The following TRIOBP variants were observed in gnomAD, a reference collection of about 807,000 sequenced individuals.
TRIOBP encodes TRIO and F-actin-binding protein.
Under a neutral mutation model 238.8 loss-of-function variants are expected in TRIOBP, and 169 were observed. That is an observed-to-expected ratio of 0.71 (90% confidence interval 0.62 to 0.80). The LOEUF is 0.80. Among genes scored for constraint, TRIOBP ranks in the 30% least tolerant of loss-of-function variants. TRIOBP has a pLI of 0.00. For missense variants in TRIOBP, 2,838 were observed against 3,122.6 expected, an observed-to-expected ratio of 0.91 and a Z score of 2.17; for synonymous variants, 1,150 against 1,274.4, an observed-to-expected ratio of 0.90 and a Z score of 2.08.
chr22:37,769,301 C>T lies in TRIOBP; in HGVS notation c.6775C>T (p.Arg2259Cys), dbSNP rs536411182. ...GRLSEEIDQL[R>C]GFIASQGMGN... ...CCTGTCAGAGGAGATAGACCAGCTG[C>T]GCGGCTTCATTGCCTCGCAGGGCAT... The change falls in exon 21 of 24, where the codon CGC becomes TGC. Residue 2259 changes from arginine to cysteine, a missense_variant. Coordinates refer to ENST00000644935, the MANE Select transcript of TRIOBP (RefSeq NM_001039141.3). 5.5e-5 allele frequency: 89 copies of T among 1,612,054 alleles called. No homozygotes were observed. Among genetic ancestry groups the T allele is most frequent in the Admixed American group, 5.0e-4 (30 of 59,936 alleles).
Position 37,767,715 on chromosome 22 carries a change from G to T in TRIOBP, c.6473-359G>T, listed in dbSNP as rs76574030. ...GAGAGCCCTCAGAGTCTGCAGGGGG[G>T]GTGTACTAGGTGGGGTCCTACCTGG... On this transcript the variant is annotated intron_variant, in intron 18 of 23. Transcript: ENST00000644935. 1.5e-3 allele frequency among the ~76,000 whole-genome samples: 232 copies of T among 152,224 alleles called. 2 individuals carry two copies. The East Asian group carries it at 0.028, about 19-fold the overall frequency.
At position 37,724,667 on chromosome 22, in the gene TRIOBP, A is replaced by C; in HGVS notation, c.2111A>C (p.Asp704Ala). 6.2e-7 allele frequency: 1 copy of C among 1,610,582 alleles called. No homozygotes were observed. The highest frequency in any genetic ancestry group is 8.5e-7 in the Non-Finnish European group (1 of 1,178,626). Residue 704 changes from aspartate (D) to alanine (A), a missense_variant, in exon 7 of 24, where the codon GAC becomes GCC. By Grantham distance (126) the Asp-to-Ala change is moderately radical (BLOSUM62 -2). This residue lies in a region of TRIOBP where 167 missense variants were observed against 200.2 expected (regional missense o/e 0.83). Transcript: ENST00000644935. The stretch of plus-strand genomic sequence containing the variant: ...CCCAGAACATCCTGTGCCCAACGGG[A>C]CGATCCCAGAGCCTCCTCTCCTAAC... ...ENPRTSCAQR[D>A]DPRASSPNRT... is the part of the protein sequence containing the mutation.
intron 6 of TRIOBP, 31 bp from the exon 7 acceptor site, chr22:37,723,154 C>A: frequency 4.3e-6 from 7 of 1,612,380 alleles, no homozygotes; most frequent in Non-Finnish European, 5.9e-6. Context: ...GACCTCTCCC[C>A]TTACCTTGAG....
chr22:37,759,369 C>A (rs1358762215), intron 17 of TRIOBP, 105 bp downstream of exon 17: 3 of 1,314,482 alleles, frequency 2.3e-6, no homozygotes, highest in Non-Finnish European at 3.3e-6. Flanking sequence ...TGTGCTGGAA[C>A]CTGTGTGGGG....
chr22:37,762,694 G>A (rs1266998513), intron 17 of TRIOBP, among the ~76,000 whole-genome samples: 1 of 152,206 alleles, frequency 6.6e-6, no homozygotes, highest in African/African-American at 2.4e-5. Flanking sequence ...AGTGACCCCA[G>A]ATGCGGAAGG....
intron 2 of TRIOBP, among the ~76,000 whole-genome samples, chr22:37,698,411 G>A (rs976355487): frequency 7.3e-6 from 1 of 137,534 alleles, no homozygotes; most frequent in Admixed American, 7.8e-5. Context: ...GGAGTGCAGC[G>A]GGGCGATCTT....
In TRIOBP at chr22:37,751,795, G is replaced by A. The variant is rs113223662; in HGVS notation, c.5346G>A (p.Lys1782=). 7 of 1,614,158 alleles carry A rather than the reference G, an allele frequency of 4.3e-6. No individual in the cohort carries two copies. The African/African-American group carries it at 5.3e-5, about 12-fold the overall frequency. The part of the protein sequence containing the change: ...WRRPDLLNFK[K]GWMSILDEPG... ...AGCCCGATCTGCTCAACTTCAAGAA[G>A]GGATGGATGTCGATCTTGGACGAGC... The change falls in exon 12 of 24, where the codon AAG becomes AAA. Residue 1782 remains lysine (K), a synonymous_variant. Coordinates refer to ENST00000644935, the MANE Select transcript of TRIOBP (RefSeq NM_001039141.3).
chr22:37,734,148 C>G (rs957090380), intron 8 of TRIOBP, among the ~76,000 whole-genome samples: 38 of 152,210 alleles, frequency 2.5e-4, no homozygotes, highest in Non-Finnish European at 4.9e-4. Flanking sequence ...GAATCAGTAT[C>G]TTTGAGAGGG....
chr22:37,746,884 C>T (rs1173772600), intron 11 of TRIOBP, among the ~76,000 whole-genome samples: 1 of 152,122 alleles, frequency 6.6e-6, no homozygotes, highest in African/African-American at 2.4e-5. Context: ...GGCAAGCCAG[C>T]CCTCCGTGTG....
At chr22:37,742,289 A>C (rs1427638936) in intron 11 of TRIOBP, among the ~76,000 whole-genome samples, 1 of 119,202 alleles carries the variant, frequency 8.4e-6, no homozygotes, top group East Asian at 2.8e-4. Flanking sequence ...ATTAAGATAG[A>C]GTCTCGTTCT....
chr22:37,759,332 G>T, intron 17 of TRIOBP, 68 bp downstream of exon 17: 4 of 1,525,136 alleles, frequency 2.6e-6, no homozygotes, highest in Non-Finnish European at 3.6e-6. Flanking sequence ...TCAGGAAACA[G>T]CTGAGATTTT....
At chr22:37,755,702 C>T (rs138152523) in intron 15 of TRIOBP, 43 bp downstream of exon 15, 4 of 1,568,934 alleles carry the variant, frequency 2.5e-6, no homozygotes, top group South Asian at 1.1e-5. Context: ...AGGCACTTAC[C>T]CTTGCGTCCC....
intron 17 of TRIOBP, among the ~76,000 whole-genome samples, chr22:37,764,269 C>G (rs1926379804): frequency 6.6e-6 from 1 of 152,206 alleles, no homozygotes; most frequent in Non-Finnish European, 1.5e-5. Flanking sequence ...CTGCCCCCTA[C>G]AATATCCTCC....
chr22:37,770,462 A>AAT (rs1555901672), intron 21 of TRIOBP, among the ~76,000 whole-genome samples: 1 of 149,822 alleles, frequency 6.7e-6, no homozygotes, highest in Non-Finnish European at 1.5e-5. Flanking sequence ...AAAAAAAAAA[A>AAT]ATATTAAAAA....
intron 12 of TRIOBP, among the ~76,000 whole-genome samples, chr22:37,752,580 G>C (rs1326611561): frequency 6.6e-6 from 1 of 152,206 alleles, no homozygotes; most frequent in African/African-American, 2.4e-5. Flanking sequence ...TGCCGGAGAG[G>C]GCTTTGAGCC....
At chr22:37,743,840 T>TGTGTGTGTGTGTGTGC (rs1486370619) in intron 11 of TRIOBP, among the ~76,000 whole-genome samples, 1 of 121,432 alleles carries the variant, frequency 8.2e-6, no homozygotes, top group African/African-American at 3.6e-5. Flanking sequence ...TGTGTGTGTG[T>TGTGTGTGTGTGTGTGC]GTGTGCTGGG....
intron 11 of TRIOBP, among the ~76,000 whole-genome samples, chr22:37,742,659 G>A (rs1346150789): frequency 6.6e-6 from 1 of 152,176 alleles, no homozygotes; most frequent in Non-Finnish European, 1.5e-5. Context: ...GCCATGGGCA[G>A]GAATTACCTT....
intron 2 of TRIOBP, among the ~76,000 whole-genome samples, chr22:37,700,171 T>C (rs5756782): frequency 0.77 from 117,091 of 152,126 alleles, 45,166 homozygotes; most frequent in East Asian, 0.84. Context: ...GCCACCGCCC[T>C]CGGCTGGAAT....
chr22:37,733,946 C>A (rs527529843), intron 8 of TRIOBP, among the ~76,000 whole-genome samples: 2 of 152,222 alleles, frequency 1.3e-5, no homozygotes, highest in African/African-American at 2.4e-5. Context: ...GGATTACAGG[C>A]GTGAACCACG....
Sources: allele counts gnomAD v4.1 joint callset (sites outside exome capture counted in the v4.1 genomes callset), GRCh38; gene constraint gnomAD v4.1.1; regional missense constraint gnomAD v4.1.1; transcripts MANE v1.5; gene names NCBI Gene and HGNC (gene_info 2026-07-23, HGNC 2026-07-21).